GPM6A: variants seen among roughly 807,000 people sequenced by gnomAD.
GPM6A encodes glycoprotein M6A.
A neutral mutation model predicts 32.1 loss-of-function variants in GPM6A; 7 were observed. The observed-to-expected ratio is 0.22, with a 90% CI of 0.12 to 0.41. The LOEUF (loss-of-function observed/expected upper bound fraction) is 0.41, where lower values mean the gene tolerates loss of function less well. Among genes scored for constraint, GPM6A ranks in the 10% least tolerant of loss-of-function variants. GPM6A has a pLI of 1.00. For synonymous variants in GPM6A, 130 were observed against 123.4 expected, an observed-to-expected ratio of 1.05 and a Z score of -0.35; for missense variants, 235 against 347.2, an observed-to-expected ratio of 0.68 and a Z score of 2.57.
At chr4:175,791,394 T>C (rs761228856) in intron 1 of GPM6A, among the ~76,000 whole-genome samples, 5 of 152,150 alleles carry the variant, frequency 3.3e-5, no homozygotes, top group Non-Finnish European at 7.4e-5. Flanking sequence ...ATAGGAAAAT[T>C]AAGGTCTCAG....
In GPM6A at chr4:175,694,195, C is replaced by T. The variant is rs1246604252; in HGVS notation, c.230+7380G>A. Among the ~76,000 whole-genome samples, 4 of 152,102 alleles carry T rather than the reference C, an allele frequency of 2.6e-5. No homozygotes were observed. The East Asian group carries it at 7.7e-4, about 29-fold the overall frequency. Reference sequence around the variant, plus strand: ...TTCTTTATAGCAGTGTGAGAATGGACTAATACAGAAAACTGGTACCAAAGA... The same window carrying T: ...TTCTTTATAGCAGTGTGAGAATGGATTAATACAGAAAACTGGTACCAAAGA... On this transcript the variant is annotated intron_variant, in intron 2 of 6. Transcript: ENST00000393658.
At chr4:175,919,290 T>G (rs982554450) in intron 1 of GPM6A, among the ~76,000 whole-genome samples, 13 of 152,140 alleles carry the variant, frequency 8.5e-5, no homozygotes, top group Admixed American at 7.2e-4. Flanking sequence ...AAAAATTCTG[T>G]GTATCATAAA....
intron 1 of GPM6A, among the ~76,000 whole-genome samples, chr4:175,894,258 G>T (rs2111480796): frequency 6.6e-6 from 1 of 152,034 alleles, no homozygotes; most frequent in East Asian, 1.9e-4. Context: ...AGAAAAAAAA[G>T]GAAAAGTGAT....
At chr4:175,655,803 T>C (rs1399605975) in intron 3 of GPM6A, among the ~76,000 whole-genome samples, 2 of 152,046 alleles carry the variant, frequency 1.3e-5, no homozygotes, top group African/African-American at 4.8e-5. Flanking sequence ...ACTTTTGTAA[T>C]TTGCGAGCTG....
At chr4:175,788,647 A>G (rs1047021113) in intron 1 of GPM6A, among the ~76,000 whole-genome samples, 2 of 152,136 alleles carry the variant, frequency 1.3e-5, no homozygotes, top group African/African-American at 4.8e-5. Context: ...TTATTTGCAT[A>G]GCAGAAAATG....
At chr4:175,637,353 A>T (rs1452272226) in intron 6 of GPM6A, among the ~76,000 whole-genome samples, 1 of 70,626 alleles carries the variant, frequency 1.4e-5, no homozygotes, top group African/African-American at 6.9e-5. Context: ...ATATAAAAAT[A>T]TATAATATAT....
intron 1 of GPM6A, among the ~76,000 whole-genome samples, chr4:175,762,777 C>T (rs1732801206): frequency 6.6e-6 from 1 of 152,094 alleles, no homozygotes; most frequent in African/African-American, 2.4e-5. Flanking sequence ...TTTCTTTCCC[C>T]ACAACCCCCA....
chr4:175,786,659 T>C (rs1007758870), intron 1 of GPM6A, among the ~76,000 whole-genome samples: 1 of 152,242 alleles, frequency 6.6e-6, no homozygotes, highest in East Asian at 1.9e-4. Context: ...AGAACTAATA[T>C]GATATGTGTG....
chr4:175,966,142 T>C (rs1001089038), intron 1 of GPM6A, among the ~76,000 whole-genome samples: 1 of 152,070 alleles, frequency 6.6e-6, no homozygotes, highest in African/African-American at 2.4e-5. Context: ...TGCAGTGGCT[T>C]ATGCCTGTAA....
intron 1 of GPM6A, among the ~76,000 whole-genome samples, chr4:175,751,460 A>T (rs535195319): frequency 6.6e-6 from 1 of 152,298 alleles, no homozygotes; most frequent in African/African-American, 2.4e-5. Flanking sequence ...ATTTAACTGT[A>T]TAAACTAACC....
At chr4:175,802,112 C>T (rs957234111) in intron 1 of GPM6A, among the ~76,000 whole-genome samples, 1 of 151,966 alleles carries the variant, frequency 6.6e-6, no homozygotes, top group Non-Finnish European at 1.5e-5. Flanking sequence ...ATTAAATTTT[C>T]GTGCAGTGTT....
At chr4:175,994,317 G>A (rs1221414503) in intron 1 of GPM6A, among the ~76,000 whole-genome samples, 1 of 152,188 alleles carries the variant, frequency 6.6e-6, no homozygotes, top group East Asian at 1.9e-4. Context: ...AATTCCAAGA[G>A]GTAGCTCTTG....
chr4:175,741,899 T>G (rs1731903245), intron 1 of GPM6A, among the ~76,000 whole-genome samples: 1 of 152,090 alleles, frequency 6.6e-6, no homozygotes, highest in Non-Finnish European at 1.5e-5. Context: ...TTTTGGTAAA[T>G]TAATGACAGA....
intron 6 of GPM6A, among the ~76,000 whole-genome samples, chr4:175,637,573 A>AAT (rs1382566299): frequency 5.5e-3 from 123 of 22,552 alleles, no homozygotes; most frequent in Middle Eastern, 0.036. Flanking sequence ...TATATTATAT[A>AAT]TTATATAAAA....
At chr4:175,799,535 T>C (rs990447097) in intron 1 of GPM6A, among the ~76,000 whole-genome samples, 2 of 152,096 alleles carry the variant, frequency 1.3e-5, no homozygotes, top group Non-Finnish European at 2.9e-5. Flanking sequence ...AGTGAAAGCA[T>C]ATGAGGCACG....
chr4:175,865,780 G>A (rs966919845), intron 1 of GPM6A, among the ~76,000 whole-genome samples: 1 of 151,838 alleles, frequency 6.6e-6, no homozygotes, highest in Non-Finnish European at 1.5e-5. Context: ...TTCTGCTGAG[G>A]AATATTTGTC....
At chr4:175,921,939 G>A (rs567740440) in intron 1 of GPM6A, among the ~76,000 whole-genome samples, 96 of 152,268 alleles carry the variant, frequency 6.3e-4, no homozygotes, top group African/African-American at 2.2e-3. Flanking sequence ...CAATAATCCA[G>A]GTCACTAGAA....
At chr4:175,828,041 G>A (rs891472257) in intron 1 of GPM6A, among the ~76,000 whole-genome samples, 1 of 152,146 alleles carries the variant, frequency 6.6e-6, no homozygotes, top group Non-Finnish European at 1.5e-5. Context: ...TGAAAATAAT[G>A]TTATCCTGAG....
intron 1 of GPM6A, among the ~76,000 whole-genome samples, chr4:175,786,328 T>G (rs1447560465): frequency 2.0e-5 from 3 of 151,236 alleles, no homozygotes; most frequent in African/African-American, 7.3e-5. Flanking sequence ...AATAGCAGTA[T>G]TCAGTTGGCA....
Sources: gnomAD v4.1 joint callset for allele counts (sites outside exome capture counted in the v4.1 genomes callset) on GRCh38, gnomAD v4.1.1 for gene constraint, MANE v1.5 for transcripts, NCBI Gene and HGNC (gene_info 2026-07-23, HGNC 2026-07-21) for gene names.